NWD1: variants seen among roughly 807,000 people sequenced by gnomAD.
NWD1 encodes NACHT and WD repeat domain containing 1.
Under a neutral mutation model 135.1 loss-of-function variants are expected in NWD1, and 129 were observed. That is an observed-to-expected ratio of 0.96 (90% confidence interval 0.83 to 1.11). The LOEUF (loss-of-function observed/expected upper bound fraction) is 1.11, where lower values mean the gene tolerates loss of function less well. Among genes scored for constraint, NWD1 ranks in the 50% least tolerant of loss-of-function variants. The pLI is 0.00. For synonymous variants in NWD1, 773 were observed against 786.0 expected (o/e 0.98, Z 0.28); for missense variants, 1,740 against 1,851.3 (o/e 0.94, Z 1.10).
chr19:16,770,695 G>A (rs559740072), intron 10 of NWD1, among the ~76,000 whole-genome samples: 1 of 152,250 alleles, frequency 6.6e-6, no homozygotes, highest in East Asian at 1.9e-4. Context: ...CTGCTGGGAA[G>A]AGTACGCGCA....
chr19:16,787,960 G>A (rs997514510), intron 12 of NWD1, among the ~76,000 whole-genome samples: 14 of 146,604 alleles, frequency 9.5e-5, no homozygotes, highest in Admixed American at 2.1e-4. Flanking sequence ...CAGGCGCGGC[G>A]GCTCATGCCT....
chr19:16,739,931 C>A (rs1359339477), intron 4 of NWD1, among the ~76,000 whole-genome samples: 2 of 152,046 alleles, frequency 1.3e-5, no homozygotes, highest in African/African-American at 4.8e-5. Context: ...CATATAACCT[C>A]TGGTCTGTGG....
chr19:16,735,519 A>C (rs1160548273), intron 3 of NWD1, among the ~76,000 whole-genome samples: 1 of 151,386 alleles, frequency 6.6e-6, no homozygotes, highest in East Asian at 2.0e-4. Context: ...GACCAAAAAA[A>C]AAAAGAAAGA....
At chr19:16,750,994 G>A (rs768926934) in intron 6 of NWD1, among the ~76,000 whole-genome samples, 12 of 152,072 alleles carry the variant, frequency 7.9e-5, no homozygotes, top group Non-Finnish European at 1.6e-4. Context: ...GGCCGAGGCG[G>A]GCGGATCACC....
At chr19:16,798,838 GC>G (rs1269581631) in intron 16 of NWD1, among the ~76,000 whole-genome samples, 1 of 151,988 alleles carries the variant, frequency 6.6e-6, no homozygotes, top group Non-Finnish European at 1.5e-5. Flanking sequence ...TGTTGGCCAG[GC>G]TGGTCTCAAA....
chr19:16,806,730 A>T (rs1375165569), intron 17 of NWD1, among the ~76,000 whole-genome samples: 7 of 148,874 alleles, frequency 4.7e-5, no homozygotes. Flanking sequence ...AAATACATAA[A>T]TAGGCTGGGC....
At chr19:16,731,326 A>G in intron 3 of NWD1, 48 bp downstream of exon 3, 1 of 1,147,230 alleles carries the variant, frequency 8.7e-7, no homozygotes, top group Non-Finnish European at 1.3e-6. Flanking sequence ...TTTTTTTTTG[A>G]CACGTAGTTC....
intron 6 of NWD1, among the ~76,000 whole-genome samples, chr19:16,758,803 T>A (rs1968890940): frequency 6.6e-6 from 1 of 151,050 alleles, no homozygotes; most frequent in Non-Finnish European, 1.5e-5. Flanking sequence ...AGGTCAGGAG[T>A]TGGAGACCAG....
chr19:16,753,558 C>G (rs1968660888), intron 6 of NWD1, among the ~76,000 whole-genome samples: 1 of 152,126 alleles, frequency 6.6e-6, no homozygotes, highest in Admixed American at 6.6e-5. Context: ...GTTCTCCACG[C>G]CCCCCATCCC....
chr19:16,772,358 C>T (rs1225988254), intron 10 of NWD1, among the ~76,000 whole-genome samples: 1 of 151,744 alleles, frequency 6.6e-6, no homozygotes, highest in African/African-American at 2.4e-5. Flanking sequence ...GAGTAAGACC[C>T]TGTCTCTAAA....
At position 16,765,057 on chromosome 19, in the gene NWD1, C is replaced by T. The variant is rs767479697; in HGVS notation, c.2275C>T (p.Arg759Trp). 2.3e-5 allele frequency: 37 copies of T among 1,613,946 alleles called. No individual in the cohort carries two copies. The highest frequency in any genetic ancestry group is 2.8e-5 in the Non-Finnish European group (33 of 1,180,008). ...VLGSMSWISC[R>W]GISGGIEDLL... ...AGGCAGCATGAGCTGGATTTCCTGCCGGGGCATCTCTGGGGGCATTGAAGA... is the reference window on the plus strand; with the variant it reads ...AGGCAGCATGAGCTGGATTTCCTGCTGGGGCATCTCTGGGGGCATTGAAGA... The change falls in exon 10 of 19, where the codon CGG (arginine) becomes TGG (tryptophan). Residue 759 changes from arginine (R) to tryptophan (W), a missense_variant. By Grantham distance (101) the Arg-to-Trp change is moderately radical (BLOSUM62 -3). Transcript: ENST00000524140.
chr19:16,731,045 A>G, intron 2 of NWD1, 147 bp from the exon 3 acceptor site: 1 of 506,978 alleles, frequency 2.0e-6, no homozygotes, highest in Non-Finnish European at 3.5e-6. Context: ...GGAACTCGAG[A>G]CCAGCCTGGG....
At chr19:16,769,991 C>A (rs1456926752) in intron 10 of NWD1, among the ~76,000 whole-genome samples, 1 of 152,206 alleles carries the variant, frequency 6.6e-6, no homozygotes, top group East Asian at 1.9e-4. Flanking sequence ...GTGCACACCA[C>A]CACCCCTGGC....
At chr19:16,756,938 C>G (rs1419836920) in intron 6 of NWD1, among the ~76,000 whole-genome samples, 1 of 152,152 alleles carries the variant, frequency 6.6e-6, no homozygotes, top group African/African-American at 2.4e-5. Flanking sequence ...TATGAGGGAT[C>G]TAGGTTGCTT....
intron 10 of NWD1, among the ~76,000 whole-genome samples, chr19:16,768,875 G>A (rs1186092245): frequency 6.6e-6 from 1 of 152,182 alleles, no homozygotes. Context: ...TCTAATCCTG[G>A]CCCTGCAAAC....
At chr19:16,740,131 T>TAA (rs1184609028) in intron 4 of NWD1, among the ~76,000 whole-genome samples, 1 of 137,746 alleles carries the variant, frequency 7.3e-6, no homozygotes, top group Non-Finnish European at 1.6e-5. Flanking sequence ...GCCCCATCTC[T>TAA]AAAAAAAAAA....
chr19:16,765,025 C>T lies in NWD1; in HGVS notation c.2252-9C>T. 1 of 1,614,004 alleles carries T rather than the reference C, an allele frequency of 6.2e-7. No individual in the cohort carries two copies. Among genetic ancestry groups the T allele is most frequent in the Non-Finnish European group, 8.5e-7 (1 of 1,179,910 alleles). On this transcript the variant is annotated splice_polypyrimidine_tract_variant and intron_variant, in intron 9 of 18. Coordinates refer to ENST00000524140, the MANE Select transcript of NWD1 (RefSeq NM_001007525.5). The stretch of plus-strand genomic sequence containing the variant: ...CACTTCCCACATCCTCCCCCCTTCT[C>T]TCCCTCAGGCAGCATGAGCTGGATT...
rs34083740 is a variant in NWD1, at chr19:16,817,598, C to CAAAAAA, written c.*2574_*2579dup. ...GCATGAGTGACAGAGACTCTGTCTC[C>CAAAAAA]AAAAAAAAAAAAAAAAAAAAGTAAT... On this transcript the variant is annotated 3_prime_UTR_variant, in exon 19 of 19. Transcript: ENST00000524140. 1 of 61,054 alleles carries CAAAAAA rather than the reference C, an allele frequency of 1.6e-5. No homozygotes were observed. Among genetic ancestry groups the CAAAAAA allele is most frequent in the Non-Finnish European group, 3.6e-5 (1 of 28,130 alleles). 3.8% of individuals were successfully genotyped at this position (61,054 alleles called of 1,614,324 possible).
rs200511332 is a variant in NWD1, at chr19:16,788,232, AAATAATAATAATAATAAT to A, written c.2732-714_2732-697del. Among the ~76,000 whole-genome samples the A allele has an allele frequency of 2.1e-3, 239 of 115,422 alleles. 2 individuals carry two copies. The highest frequency in any genetic ancestry group is 4.0e-3 in the African/African-American group (120 of 29,838). The allele number at this position is 115,422 out of a possible 152,430, so 75.7% of individuals were successfully genotyped here. ...GCAACAAGAGCAAAACTTCATCTCA[AAATAATAATAATAATAAT>A]AATAATAATAATAATAATAATAATA... On this transcript the variant is annotated intron_variant, in intron 12 of 18. Transcript: ENST00000524140.
Sources: gnomAD v4.1 joint callset for allele counts (sites outside exome capture counted in the v4.1 genomes callset) on GRCh38, gnomAD v4.1.1 for gene constraint, MANE v1.5 for transcripts, NCBI Gene and HGNC (gene_info 2026-07-23, HGNC 2026-07-21) for gene names.